Variants in FBXW10B observed in about 807,000 individuals in gnomAD.
FBXW10B encodes the protein F-box and WD repeat domain containing 10B.
At chr17:15,597,516 C>T in the FBXW10B span, among the ~76,000 whole-genome samples, 3 of 151,484 alleles carry the variant, frequency 2.0e-5, no homozygotes, top group Admixed American at 1.3e-4. Context: ...AACTGTAGTC[C>T]CAGCTACTCG....
the FBXW10B span, among the ~76,000 whole-genome samples, chr17:15,617,101 A>G: frequency 1.3e-5 from 2 of 152,270 alleles, no homozygotes; most frequent in East Asian, 3.9e-4. Context: ...AATATTAAGG[A>G]TATTAAGTCG....
the FBXW10B span, among the ~76,000 whole-genome samples, chr17:15,587,603 C>T: frequency 6.7e-6 from 1 of 150,160 alleles, no homozygotes; most frequent in Admixed American, 6.6e-5. Flanking sequence ...CTCCTCTGGC[C>T]CCCTCCCGGC....
At chr17:15,593,170 T>C in the FBXW10B span, 1 of 391,480 alleles carries the variant, frequency 2.6e-6, no homozygotes, top group Non-Finnish European at 3.5e-6. Context: ...CAAAGCCCTG[T>C]TAGTCCCCAC....
At chr17:15,587,023 G>A in the FBXW10B span, among the ~76,000 whole-genome samples, 1 of 151,610 alleles carries the variant, frequency 6.6e-6, no homozygotes, top group Non-Finnish European at 1.5e-5. Flanking sequence ...GAGAAGGCAG[G>A]AGAAGAGTTA....
chr17:15,592,938 A>G, the FBXW10B span, among the ~76,000 whole-genome samples: 134 of 151,268 alleles, frequency 8.9e-4, no homozygotes, highest in Admixed American at 2.9e-3. Flanking sequence ...CCCCGTCTCT[A>G]CTAAAAATAC....
the FBXW10B span, among the ~76,000 whole-genome samples, chr17:15,577,393 C>T: frequency 6.6e-6 from 1 of 152,176 alleles, no homozygotes; most frequent in African/African-American, 2.4e-5. Context: ...GTTACACTCC[C>T]TTCTCTCATC....
chr17:15,583,765 G>C, the FBXW10B span, among the ~76,000 whole-genome samples: 9 of 152,006 alleles, frequency 5.9e-5, no homozygotes, highest in Non-Finnish European at 8.8e-5. Context: ...CCTGAGTATA[G>C]GTCCTGTTTC....
the FBXW10B span, among the ~76,000 whole-genome samples, chr17:15,600,044 G>A: frequency 1.5e-4 from 22 of 151,590 alleles, no homozygotes; most frequent in African/African-American, 4.1e-4. Flanking sequence ...GTGAAAACCC[G>A]TCTCTACTAA....
chr17:15,585,262 A>G, the FBXW10B span, among the ~76,000 whole-genome samples: 4,982 of 152,130 alleles, frequency 0.033, 250 homozygotes, highest in African/African-American at 0.11. Flanking sequence ...ATGTTGGGAA[A>G]ATAGATGGTT....
chr17:15,619,523 T>C, the FBXW10B span: 6 of 1,610,194 alleles, frequency 3.7e-6, no homozygotes, highest in African/African-American at 4.0e-5. Flanking sequence ...GATCCTAAGA[T>C]AACCAGTTCA....
chr17:15,609,852 C>CTT, the FBXW10B span, among the ~76,000 whole-genome samples: 2,617 of 103,196 alleles, frequency 0.025, 77 homozygotes, highest in East Asian at 0.066. Flanking sequence ...TTCTTTCTTT[C>CTT]TTTTTTTTTT....
the FBXW10B span, among the ~76,000 whole-genome samples, chr17:15,575,254 C>G: frequency 8.2e-5 from 12 of 146,258 alleles, no homozygotes; most frequent in Non-Finnish European, 1.2e-4. Flanking sequence ...CCTTGGGACC[C>G]CTTTTCTATC....
chr17:15,602,752 CGAGTAGCTGG>C, the FBXW10B span, among the ~76,000 whole-genome samples: 1 of 118,982 alleles, frequency 8.4e-6, no homozygotes, highest in African/African-American at 4.2e-5. Flanking sequence ...CTCAGCCTCC[CGAGTAGCTGG>C]GACTACAGGC....
chr17:15,618,260 G>A, the FBXW10B span, among the ~76,000 whole-genome samples: 2 of 152,094 alleles, frequency 1.3e-5, no homozygotes, highest in Non-Finnish European at 2.9e-5. Context: ...CCCAGCAGGT[G>A]GAGGTTTCAG....
chr17:15,614,061 G>A, the FBXW10B span: 1 of 1,603,782 alleles, frequency 6.2e-7, no homozygotes, highest in Non-Finnish European at 8.5e-7. Flanking sequence ...AAAGGTACGT[G>A]GTTGAGTTGG....
the FBXW10B span, chr17:15,598,760 A>G: frequency 2.0e-6 from 3 of 1,535,858 alleles, no homozygotes; most frequent in Admixed American, 2.0e-5. Context: ...GCAGATTCTC[A>G]TGGTTCAGCT....
the FBXW10B span, among the ~76,000 whole-genome samples, chr17:15,600,116 T>A: frequency 6.6e-6 from 1 of 150,900 alleles, no homozygotes; most frequent in African/African-American, 2.4e-5. Flanking sequence ...CTCGGGAGGC[T>A]GAGGCAGGAG....
the FBXW10B span, among the ~76,000 whole-genome samples, chr17:15,587,610 C>T: frequency 7.2e-5 from 11 of 151,796 alleles, no homozygotes; most frequent in East Asian, 1.2e-3. Flanking sequence ...GGCCCCCTCC[C>T]GGCTAAATTC....
At chr17:15,577,864 G>A in the FBXW10B span, among the ~76,000 whole-genome samples, 1 of 151,840 alleles carries the variant, frequency 6.6e-6, no homozygotes, top group Admixed American at 6.6e-5. Flanking sequence ...AAAAAACACA[G>A]CATAAGGGGA....
Sources: gnomAD v4.1 joint callset for allele counts (sites outside exome capture counted in the v4.1 genomes callset) on GRCh38, gnomAD v4.1.1 for gene constraint, MANE v1.5 for transcripts, NCBI Gene and HGNC (gene_info 2026-07-23, HGNC 2026-07-21) for gene names.